Variants in STON2 observed in about 807,000 individuals in gnomAD.
The protein encoded by STON2 is stonin 2.
Under a neutral mutation model 65.7 loss-of-function variants are expected in STON2, and 29 were observed. The ratio of observed to expected loss-of-function variants is 0.44; its 90% confidence interval spans 0.33 to 0.60. The LOEUF is 0.60. Ranked by LOEUF, STON2 falls within the 20% of genes least tolerant of loss-of-function variation. STON2 has a pLI of 0.03. For synonymous variants in STON2, 404 were observed against 414.2 expected (o/e 0.98, Z 0.30); for missense variants, 1,054 against 1,118.1 (o/e 0.94, Z 0.82).
chr14:81,333,083 C>G, intron 4 of STON2: 1 of 814,892 alleles, frequency 1.2e-6, no homozygotes, highest in Non-Finnish European at 2.0e-6. Context: ...CCATGTCTTA[C>G]AAGTCTATGT....
intron 4 of STON2, among the ~76,000 whole-genome samples, chr14:81,362,710 T>C (rs1898548857): frequency 6.6e-6 from 1 of 152,222 alleles, no homozygotes; most frequent in Admixed American, 6.5e-5. Flanking sequence ...TTGTTCCACA[T>C]TGTATTAAAA....
rs771692107 is a variant in STON2 at position 81,324,839 on chromosome 14, G to T, written c.572-652C>A. 2.3e-4 allele frequency among the ~76,000 whole-genome samples: 35 copies of T among 152,228 alleles called. 1 individual carries two copies. The highest frequency in any genetic ancestry group is 1.6e-3 in the Admixed American group (24 of 15,286). ...TTCACAAATGGATAATAACTTGTTGGTTTGGAGGAAGCATGGGTGTTCATA... is the reference window on the plus strand; with the variant it reads ...TTCACAAATGGATAATAACTTGTTGTTTTGGAGGAAGCATGGGTGTTCATA... On this transcript the variant is annotated intron_variant, in intron 4 of 7. Coordinates refer to ENST00000614646, the MANE Select transcript of STON2 (RefSeq NM_001394390.1).
At chr14:81,362,278 T>C (rs922788353) in intron 4 of STON2, among the ~76,000 whole-genome samples, 6 of 152,178 alleles carry the variant, frequency 3.9e-5, no homozygotes, top group African/African-American at 1.4e-4. Context: ...GTGGCATACA[T>C]ACACAATGAA....
At chr14:81,388,565 T>C (rs1164885614) in intron 3 of STON2, among the ~76,000 whole-genome samples, 1 of 152,180 alleles carries the variant, frequency 6.6e-6, no homozygotes, top group African/African-American at 2.4e-5. Context: ...ATAAGAGACG[T>C]ACCATTAATG....
In STON2 at chr14:81,299,854, A is replaced by T. The variant is rs1465620017; in HGVS notation, c.743-21115T>A. ...GAGAGATTTCATGTTCATGGATTTG[A>T]AAACTCAAAATTGTTAAGATGGAAA... On this transcript the variant is annotated intron_variant, in intron 5 of 7. Transcript: ENST00000614646. Among the ~76,000 whole-genome samples, 8 of 151,248 alleles carry T rather than the reference A, an allele frequency of 5.3e-5. No homozygotes were observed. In the South Asian group the frequency reaches 1.7e-3, roughly 32 times the overall value.
At chr14:81,397,548 G>C (rs1900386282) in intron 2 of STON2, among the ~76,000 whole-genome samples, 1 of 152,150 alleles carries the variant, frequency 6.6e-6, no homozygotes, top group South Asian at 2.1e-4. Context: ...CCATATTGGA[G>C]AGCATACCTG....
At chr14:81,334,574 T>C (rs1016297590) in intron 4 of STON2, among the ~76,000 whole-genome samples, 4 of 152,188 alleles carry the variant, frequency 2.6e-5, no homozygotes, top group African/African-American at 9.7e-5. Flanking sequence ...TTCCAGTTCC[T>C]CTTAGCCAAC....
In STON2 at chr14:81,262,664, G is replaced by A; in HGVS notation, c.*5750C>T. The A allele has an allele frequency of 6.1e-6, 6 of 985,350 alleles. No homozygotes were observed. The highest frequency in any genetic ancestry group is 7.2e-6 in the Non-Finnish European group (6 of 829,914). 61.0% of individuals were successfully genotyped at this position (985,350 alleles called of 1,614,324 possible). A position where few individuals can be genotyped will look rare whatever the true frequency, so the allele number is the denominator to read the frequency against. On this transcript the variant is annotated 3_prime_UTR_variant, in exon 8 of 8. Transcript: ENST00000614646. ...AAACTCATTACTGTGGATAGTTTCT[G>A]CCTTTACAGGCTTAGAATTGACAAA...
chr14:81,316,978 C>T (rs1896648230), intron 5 of STON2, among the ~76,000 whole-genome samples: 1 of 152,132 alleles, frequency 6.6e-6, no homozygotes, highest in South Asian at 2.1e-4. Context: ...CGAGATCGCA[C>T]CACTGCACTC....
At chr14:81,303,619 G>C (rs750585867) in intron 5 of STON2, among the ~76,000 whole-genome samples, 4 of 152,178 alleles carry the variant, frequency 2.6e-5, no homozygotes, top group Non-Finnish European at 4.4e-5. Flanking sequence ...GGAAGGGTCT[G>C]CTTCCGTTTG....
intron 5 of STON2, among the ~76,000 whole-genome samples, chr14:81,321,068 G>T (rs1238863299): frequency 6.6e-6 from 1 of 152,088 alleles, no homozygotes; most frequent in Non-Finnish European, 1.5e-5. Context: ...CACTAATACT[G>T]CAGGGCCTGA....
At chr14:81,420,696 A>G (rs1251464088) in intron 2 of STON2, among the ~76,000 whole-genome samples, 1 of 152,200 alleles carries the variant, frequency 6.6e-6, no homozygotes, top group Non-Finnish European at 1.5e-5. Context: ...TAGTTCTGTG[A>G]GGCAGGGGTC....
At chr14:81,421,138 T>C (rs1448124048) in intron 2 of STON2, among the ~76,000 whole-genome samples, 2 of 152,202 alleles carry the variant, frequency 1.3e-5, no homozygotes, top group African/African-American at 4.8e-5. Context: ...GTCTTTTTGT[T>C]ACCCGACTTG....
chr14:81,433,445 A>C (rs1902293871), intron 1 of STON2, among the ~76,000 whole-genome samples: 1 of 152,218 alleles, frequency 6.6e-6, no homozygotes, highest in Admixed American at 6.5e-5. Flanking sequence ...ATAAAGTCCC[A>C]ATCCCCTGGC....
At chr14:81,325,562 G>A (rs1396914323) in intron 4 of STON2, among the ~76,000 whole-genome samples, 1 of 152,038 alleles carries the variant, frequency 6.6e-6, no homozygotes, top group South Asian at 2.1e-4. Context: ...ATTCCCCAGA[G>A]GTAACCACTG....
rs1901227057 is a variant in STON2, at chr14:81,412,829, T to C, written c.-198-14249A>G. On this transcript the variant is annotated intron_variant, in intron 2 of 8. Coordinates refer to the STON2 transcript ENST00000553821. ...GAAAATATGATTGCTTTGTGACCTT[T>C]AAAACTTTCTGTCAAACATTAAAAG... is the stretch of plus-strand genomic sequence containing the variant. 4.1e-6 allele frequency: 2 copies of C among 485,924 alleles called. 1 individual carries two copies. Among genetic ancestry groups the C allele is most frequent in the Admixed American group, 7.7e-5 (2 of 25,914 alleles). 30.1% of individuals were successfully genotyped at this position (485,924 alleles called of 1,614,324 possible).
chr14:81,432,013 C>T (rs1214800627), intron 1 of STON2, among the ~76,000 whole-genome samples: 1 of 152,192 alleles, frequency 6.6e-6, no homozygotes, highest in Non-Finnish European at 1.5e-5. Flanking sequence ...ATTCTGCACT[C>T]ATCCTACCTT....
chr14:81,280,282 G>T (rs1461453809), intron 5 of STON2, among the ~76,000 whole-genome samples: 1 of 152,184 alleles, frequency 6.6e-6, no homozygotes, highest in Non-Finnish European at 1.5e-5. Context: ...GCTGTGGGAA[G>T]GGAGGGGAAA....
intron 5 of STON2, among the ~76,000 whole-genome samples, chr14:81,317,100 CT>C (rs2140231230): frequency 6.6e-6 from 1 of 152,284 alleles, no homozygotes; most frequent in South Asian, 2.1e-4. Context: ...GCAGCATCTG[CT>C]TTTGGTGAGG....
Sources: allele counts gnomAD v4.1 joint callset (sites outside exome capture counted in the v4.1 genomes callset), GRCh38; gene constraint gnomAD v4.1.1; transcripts MANE v1.5; gene names NCBI Gene and HGNC (gene_info 2026-07-23, HGNC 2026-07-21).